Variants in MANBA observed in about 807,000 individuals in gnomAD.
MANBA encodes mannosidase beta.
A neutral mutation model predicts 111.1 loss-of-function variants in MANBA; 83 were observed. The observed-to-expected ratio is 0.75, with a 90% CI of 0.63 to 0.90. The LOEUF (loss-of-function observed/expected upper bound fraction) is 0.90. Among genes scored for constraint, MANBA ranks in the 40% least tolerant of loss-of-function variants. The pLI is 0.00. For missense variants in MANBA, 1,036 were observed against 1,069.0 expected (o/e 0.97, Z 0.43); for synonymous variants, 370 against 378.7 (o/e 0.98, Z 0.27).
At chr4:102,759,510 C>T (rs1172739980) in intron 1 of MANBA, among the ~76,000 whole-genome samples, 1 of 151,172 alleles carries the variant, frequency 6.6e-6, no homozygotes, top group Non-Finnish European at 1.5e-5. Context: ...AAAAATACAT[C>T]GGACAATGGT....
At chr4:102,675,601 T>C (rs1441774955) in intron 7 of MANBA, among the ~76,000 whole-genome samples, 1 of 152,256 alleles carries the variant, frequency 6.6e-6, no homozygotes, top group East Asian at 1.9e-4. Context: ...CTTATTCCTT[T>C]GTTTCACAGC....
chr4:102,634,684 C>G, intron 16 of MANBA, 104 bp downstream of exon 16: 1 of 1,497,238 alleles, frequency 6.7e-7, no homozygotes, highest in Non-Finnish European at 9.3e-7. Flanking sequence ...AAACTCAGCA[C>G]CAAGGGGGAC....
chr4:102,689,011 C>G (rs1732349076), intron 7 of MANBA, among the ~76,000 whole-genome samples: 1 of 152,126 alleles, frequency 6.6e-6, no homozygotes, highest in Non-Finnish European at 1.5e-5. Flanking sequence ...TAAATCATAG[C>G]AGGAGACTAC....
At chr4:102,726,527 C>A in intron 2 of MANBA, 62 bp downstream of exon 2, 1 of 891,820 alleles carries the variant, frequency 1.1e-6, no homozygotes, top group Non-Finnish European at 1.8e-6. Flanking sequence ...AACATTTTTG[C>A]CCAGATAGAA....
At chr4:102,734,653 G>A in intron 1 of MANBA, 3 of 1,434,676 alleles carry the variant, frequency 2.1e-6, no homozygotes, top group Non-Finnish European at 2.9e-6. Context: ...CAGGGAGAGG[G>A]CCTTGGGGAC....
chr4:102,729,398 T>C, intron 1 of MANBA: 1 of 932,318 alleles, frequency 1.1e-6, no homozygotes, highest in Non-Finnish European at 1.7e-6. Context: ...TCAGCGATGA[T>C]GCTGTTCATG....
Position 102,650,680 on chromosome 4 carries a change from A to T in MANBA, c.1726T>A (p.Ser576Thr), listed in dbSNP as rs1560748334. The change falls in exon 13 of 17, where the codon TCT (serine) becomes ACT (threonine). Residue 576 changes from serine (S) to threonine (T), a missense_variant. By Grantham distance (58) the Ser-to-Thr change is moderately conservative. Transcript: ENST00000647097. ...TGAAGTGAAAACTTGCTATTGAAAG[A>T]CCAGTCCTCTGTAGACGAGACCTTT... is the stretch of plus-strand genomic sequence containing the variant. ...LEKVSSTEDW[S>T]FNSKFSLHRQ... The T allele has an allele frequency of 1.9e-6, 3 of 1,613,064 alleles. No individual in the cohort carries two copies. The Admixed American group carries it at 5.0e-5, about 27-fold the overall frequency.
At chr4:102,642,926 A>C (rs1173137631) in intron 13 of MANBA, among the ~76,000 whole-genome samples, 2 of 152,202 alleles carry the variant, frequency 1.3e-5, no homozygotes, top group Non-Finnish European at 2.9e-5. Context: ...CCCGACACTA[A>C]GAATCTTCCA....
chr4:102,644,251 GAAC>G (rs1446322469), intron 13 of MANBA, among the ~76,000 whole-genome samples: 2 of 152,066 alleles, frequency 1.3e-5, no homozygotes, highest in Admixed American at 1.3e-4. Context: ...ATTAAAAATA[GAAC>G]TACTATATGA....
At chr4:102,663,822 G>T (rs2110215615) in intron 11 of MANBA, among the ~76,000 whole-genome samples, 1 of 152,158 alleles carries the variant, frequency 6.6e-6, no homozygotes, top group South Asian at 2.1e-4. Context: ...AGGCATTACT[G>T]AAAAAAATGC....
intron 8 of MANBA, 121 bp from the exon 9 acceptor site, chr4:102,671,519 T>G (rs1731499197): frequency 1.4e-6 from 1 of 692,534 alleles, no homozygotes; most frequent in East Asian, 2.8e-5. Context: ...TTGGTTACAA[T>G]GTAAATTAAA....
intron 12 of MANBA, among the ~76,000 whole-genome samples, chr4:102,652,014 T>G (rs1196354067): frequency 1.3e-5 from 2 of 152,214 alleles, no homozygotes; most frequent in African/African-American, 4.8e-5. Context: ...ATGTTATAAT[T>G]TGATACATGT....
chr4:102,651,091 G>A (rs561426107), intron 12 of MANBA, among the ~76,000 whole-genome samples: 1 of 151,642 alleles, frequency 6.6e-6, no homozygotes, highest in Non-Finnish European at 1.5e-5. Flanking sequence ...AAACTTAATA[G>A]AATGCAATCA....
chr4:102,639,801 G>T lies in MANBA; in HGVS notation c.1926C>A (p.Ser642Arg), dbSNP rs375904519. The T allele has an allele frequency of 2.5e-6, 4 of 1,614,016 alleles. No homozygotes were observed. The highest frequency in any genetic ancestry group is 1.3e-5 in the African/African-American group (1 of 74,986). The change falls in exon 14 of 17, where the codon AGC becomes AGA. Residue 642 changes from serine (S) to arginine (R), a missense_variant. Coordinates refer to ENST00000647097, the MANE Select transcript of MANBA (RefSeq NM_005908.4). ...TGTGCCCTTGCTGATCCACTATCTC[G>T]CTGCGACTACGGCGGTAGAATTCAG... is the stretch of plus-strand genomic sequence containing the variant. ...TETEFYRRSRSEIVDQQGHTM... is the reference protein window; with the variant it reads ...TETEFYRRSRREIVDQQGHTM...
intron 4 of MANBA, among the ~76,000 whole-genome samples, chr4:102,717,110 A>C (rs1454751968): frequency 1.3e-5 from 2 of 152,120 alleles, no homozygotes; most frequent in Non-Finnish European, 2.9e-5. Context: ...GAGGGAGACT[A>C]TTTTCCCCAT....
Position 102,725,946 on chromosome 4 carries a change from T to C in MANBA, c.272+643A>G, listed in dbSNP as rs534824443. On this transcript the variant is annotated intron_variant, in intron 2 of 16. Coordinates refer to ENST00000647097, the MANE Select transcript of MANBA (RefSeq NM_005908.4). ...AGTTAGTTTTAAGGGGGAAAATCAA[T>C]TGGATATGTTGAGTTCAAGGTGAAA... Among the ~76,000 whole-genome samples, 41 of 152,268 alleles carry C rather than the reference T, an allele frequency of 2.7e-4. 1 individual carries two copies. Among genetic ancestry groups the C allele is most frequent in the African/African-American group, 1.2e-4 (5 of 41,546 alleles).
intron 7 of MANBA, among the ~76,000 whole-genome samples, chr4:102,680,523 C>T (rs1272167879): frequency 2.0e-5 from 3 of 151,644 alleles, no homozygotes. Flanking sequence ...AGCTTTTCTG[C>T]AGCTTTTCCC....
chr4:102,741,407 C>G lies in MANBA; in HGVS notation c.178-14724G>C, dbSNP rs1011644905. Among the ~76,000 whole-genome samples the G allele has an allele frequency of 6.2e-4, 95 of 152,278 alleles. 1 individual carries two copies. Among genetic ancestry groups the G allele is most frequent in the African/African-American group, 2.2e-3 (92 of 41,556 alleles). On this transcript the variant is annotated intron_variant, in intron 1 of 16. Coordinates refer to ENST00000647097, the MANE Select transcript of MANBA (RefSeq NM_005908.4). ...ATTCCTTAAAGAACTAAACGTAGAA[C>G]TACCATTGATCCAGCAATCCCACTA...
At chr4:102,677,221 G>C (rs375878014) in intron 7 of MANBA, among the ~76,000 whole-genome samples, 214 of 152,320 alleles carry the variant, frequency 1.4e-3, no homozygotes, top group African/African-American at 4.9e-3. Flanking sequence ...TCTAGAAAAT[G>C]AATGGAGTGA....
Sources: gnomAD v4.1 joint callset for allele counts (sites outside exome capture counted in the v4.1 genomes callset) on GRCh38, gnomAD v4.1.1 for gene constraint, MANE v1.5 for transcripts, NCBI Gene and HGNC (gene_info 2026-07-23, HGNC 2026-07-21) for gene names.